AHR: variants seen among roughly 807,000 people sequenced by gnomAD.
AHR encodes aryl hydrocarbon receptor.
In AHR, 40 loss-of-function variants were observed where a neutral mutation model predicts 86.8. That is an observed-to-expected ratio of 0.46 (90% CI 0.36 to 0.60). AHR has a LOEUF of 0.60. Among genes scored for constraint, AHR ranks in the 20% least tolerant of loss-of-function variants. The pLI is 0.00. For missense variants in AHR, 1,001 were observed against 1,011.6 expected, an observed-to-expected ratio of 0.99 and a Z score of 0.14; for synonymous variants, 398 against 354.9, an observed-to-expected ratio of 1.12 and a Z score of -1.37.
intron 3 of AHR, among the ~76,000 whole-genome samples, chr7:17,325,995 C>T (rs924528521): frequency 2.0e-5 from 3 of 152,026 alleles, no homozygotes; most frequent in Non-Finnish European, 2.9e-5. Flanking sequence ...AATTTGGGAT[C>T]GATAACACAT....
intron 2 of AHR, among the ~76,000 whole-genome samples, chr7:17,314,992 TG>T (rs1466346796): frequency 6.6e-6 from 1 of 152,060 alleles, no homozygotes; most frequent in Non-Finnish European, 1.5e-5. Flanking sequence ...CCATCTTAAA[TG>T]GTGATTTAAC....
intron 1 of AHR, among the ~76,000 whole-genome samples, chr7:17,301,153 G>A (rs996704771): frequency 2.0e-5 from 3 of 151,946 alleles, no homozygotes; most frequent in African/African-American, 7.2e-5. Context: ...GATCTCTGCT[G>A]AGCACCGTAT....
Position 17,335,119 on chromosome 7 carries a change from CAT to C in AHR, c.1018+126_1018+127del, listed in dbSNP as rs147123367. 3,397 of 600,452 alleles carry C rather than the reference CAT, an allele frequency of 5.7e-3. 89 individuals are homozygous for C. Among genetic ancestry groups the C allele is most frequent in the African/African-American group, 0.056 (3,038 of 53,962 alleles). The allele number at this position is 600,452 out of a possible 1,614,324, so 37.2% of individuals were successfully genotyped here. The stretch of plus-strand genomic sequence containing the variant: ...ATATGGATAAACTTCTACTTAGTAA[CAT>C]ATCATTATGATTAACCAGGGTTACA... On this transcript the variant is annotated intron_variant, in intron 8 of 10. Transcript: ENST00000242057.
At chr7:17,330,527 T>G (rs574452685) in intron 5 of AHR, among the ~76,000 whole-genome samples, 1 of 151,990 alleles carries the variant, frequency 6.6e-6, no homozygotes, top group African/African-American at 2.4e-5. Flanking sequence ...AATATGAAAA[T>G]TGTTGACAGT....
Position 17,339,712 on chromosome 7 carries a change from A to T in AHR, c.1887A>T (p.Gln629His). Reference sequence around the variant, plus strand: ...AGCAACAGCAACATCACCAAAAGCAAGTAGTAGTGGAGCCACAGCAACAGC... The same window carrying T: ...AGCAACAGCAACATCACCAAAAGCATGTAGTAGTGGAGCCACAGCAACAGC... Reference protein sequence around the residue: ...LEQQQQHHQKQVVVEPQQQLC... With the variant: ...LEQQQQHHQKHVVVEPQQQLC... Residue 629 changes from glutamine to histidine, a missense_variant, in exon 10 of 11, where the codon CAA becomes CAT. Physicochemically the swap from Gln to His is conservative, Grantham distance 24. Around this residue, in one of 2 missense-constraint regions of AHR, gnomAD observed 607 missense variants for 543.1 expected, o/e 1.12. Coordinates refer to ENST00000242057, the MANE Select transcript of AHR (RefSeq NM_001621.5). The T allele has an allele frequency of 1.2e-6, 2 of 1,614,156 alleles. No individual in the cohort carries two copies. Among genetic ancestry groups the T allele is most frequent in the Non-Finnish European group, 1.7e-6 (2 of 1,180,008 alleles).
chr7:17,303,626 T>C (rs1300926458), intron 1 of AHR, among the ~76,000 whole-genome samples: 1 of 152,100 alleles, frequency 6.6e-6, no homozygotes, highest in Non-Finnish European at 1.5e-5. Flanking sequence ...TGTACTAATA[T>C]TCTATAATTT....
At chr7:17,324,764 T>TGCACTCCA (rs1782210899) in intron 3 of AHR, among the ~76,000 whole-genome samples, 1 of 150,876 alleles carries the variant, frequency 6.6e-6, no homozygotes, top group African/African-American at 2.4e-5. Context: ...ATCACACCAC[T>TGCACTCCA]GCACTCCAGC....
chr7:17,335,852 T>G, intron 9 of AHR, 66 bp downstream of exon 9: 1 of 1,486,092 alleles, frequency 6.7e-7, no homozygotes, highest in Middle Eastern at 1.7e-4. Flanking sequence ...TGTGAAAGCA[T>G]AAAAATAATT....
In AHR at chr7:17,327,868, A is replaced by G. The variant is rs1441179610; in HGVS notation, c.450+20A>G. ...CAGCAGGTAAGTATATATTATTTAT[A>G]TCATTTATATTATTATATCATTTAC... On this transcript the variant is annotated intron_variant, in intron 4 of 10. Transcript: ENST00000242057. The G allele has an allele frequency of 9.2e-7, 1 of 1,084,458 alleles. No individual in the cohort carries two copies. The highest frequency in any genetic ancestry group is 3.1e-5 in the East Asian group (1 of 32,566). 67.2% of individuals were successfully genotyped at this position (1,084,458 alleles called of 1,614,324 possible). A position where few individuals can be genotyped will look rare whatever the true frequency, so the allele number is the denominator to read the frequency against.
chr7:17,314,463 T>C (rs1391630419), intron 2 of AHR, among the ~76,000 whole-genome samples: 1 of 152,108 alleles, frequency 6.6e-6, no homozygotes, highest in Admixed American at 6.6e-5. Context: ...CTTGACTTTA[T>C]TTTAAATTAA....
intron 9 of AHR, among the ~76,000 whole-genome samples, chr7:17,337,987 CAG>C (rs1244788167): frequency 9.3e-5 from 14 of 150,826 alleles, no homozygotes; most frequent in African/African-American, 3.4e-4. Context: ...ATCACGAGGT[CAG>C]GAGATCGAGA....
intron 3 of AHR, 121 bp from the exon 4 acceptor site, chr7:17,327,638 G>T: frequency 2.4e-6 from 1 of 423,132 alleles, no homozygotes. Context: ...GGCTGTGTTT[G>T]TGAAATGTGA....
Position 17,299,250 on chromosome 7 carries a change from C to T in AHR, c.-15C>T, listed in dbSNP as rs1584026236. 1 of 1,609,836 alleles carries T rather than the reference C, an allele frequency of 6.2e-7. No homozygotes were observed. The highest frequency in any genetic ancestry group is 8.5e-7 in the Non-Finnish European group (1 of 1,178,902). On this transcript the variant is annotated 5_prime_UTR_variant, in exon 1 of 11. Transcript: ENST00000242057. The stretch of plus-strand genomic sequence containing the variant: ...CCAGTGCCCGGGGAGTAGCCGCCGC[C>T]GTCGGCTGGGCACCATGAACAGCAG...
At chr7:17,307,172 T>C (rs1389474710) in intron 1 of AHR, among the ~76,000 whole-genome samples, 1 of 152,108 alleles carries the variant, frequency 6.6e-6, no homozygotes, top group Non-Finnish European at 1.5e-5. Flanking sequence ...GGGATACCTT[T>C]ATGTTACTAT....
Position 17,298,926 on chromosome 7 carries a change from C to T in AHR, c.-339C>T. 1 of 433,054 alleles carries T rather than the reference C, an allele frequency of 2.3e-6. No individual in the cohort carries two copies. The highest frequency in any genetic ancestry group is 4.0e-6 in the Non-Finnish European group (1 of 248,288). 26.8% of individuals were successfully genotyped at this position (433,054 alleles called of 1,614,324 possible). The stretch of plus-strand genomic sequence containing the variant: ...GGATTCTAAATAGACGGCCCAGGCT[C>T]CTCCTCCGCCCGGGCCGCCTCACCT... On this transcript the variant is annotated 5_prime_UTR_variant, in exon 1 of 11. Transcript: ENST00000242057.
In AHR at chr7:17,339,563, GA is replaced by G; in HGVS notation, c.1741del (p.Ile581SerfsTer2). On this transcript the variant is annotated frameshift_variant, in exon 10 of 11. Transcript: ENST00000242057. ...CTTCAGAGACATTGACTTAACGGAT[GA>G]AATCCTGACGTATGTCCAAGATTCT... The part of the protein sequence containing the change: ...VDFRDIDLTD[E>X]ILTYVQDSLS... 6.2e-7 allele frequency: 1 copy of G among 1,614,168 alleles called. No individual in the cohort carries two copies.
chr7:17,336,106 C>G, intron 9 of AHR: 1 of 192,788 alleles, frequency 5.2e-6, no homozygotes, highest in Non-Finnish European at 1.0e-5. Context: ...AATATATTCT[C>G]TAAACCCAGC....
rs181738847 is a variant in AHR at position 17,337,970 on chromosome 7, C to G, written c.1161-1016C>G. ...TCTTTAAAAATTCTATTGCCCGAGGCGGGCGGATCACGAGGTCAGGAGATC... is the reference window on the plus strand; with the variant it reads ...TCTTTAAAAATTCTATTGCCCGAGGGGGGCGGATCACGAGGTCAGGAGATC... On this transcript the variant is annotated intron_variant, in intron 9 of 10. Transcript: ENST00000242057. Among the ~76,000 whole-genome samples the G allele has an allele frequency of 7.0e-3, 1,058 of 151,030 alleles. 11 individuals carry two copies. Among genetic ancestry groups the G allele is most frequent in the African/African-American group, 0.024 (994 of 41,326 alleles).
Position 17,298,985 on chromosome 7 carries a change from A to C in AHR, c.-280A>C. The C allele has an allele frequency of 2.2e-6, 1 of 458,910 alleles. No homozygotes were observed. 28.4% of individuals were successfully genotyped at this position (458,910 alleles called of 1,614,324 possible). ...TGCCGCGCCGCCTCCGCCGGTGTAG[A>C]CGGCACCTGCGCCGCCTTGCTCGCG... On this transcript the variant is annotated 5_prime_UTR_variant, in exon 1 of 11. Transcript: ENST00000242057.
Sources: gnomAD v4.1 joint callset for allele counts (sites outside exome capture counted in the v4.1 genomes callset) on GRCh38, gnomAD v4.1.1 for gene constraint, gnomAD v4.1.1 regional missense constraint, MANE v1.5 for transcripts, NCBI Gene and HGNC (gene_info 2026-07-23, HGNC 2026-07-21) for gene names.